The following EPB41L2 variants were observed in gnomAD, a reference collection of about 807,000 sequenced individuals.
EPB41L2 encodes the protein erythrocyte membrane protein band 4.1 like 2.
In EPB41L2, 43 loss-of-function variants were observed where a neutral mutation model predicts 113.0. The observed-to-expected ratio is 0.38, with a 90% confidence interval of 0.30 to 0.49. The LOEUF is 0.49. Ranked by LOEUF, EPB41L2 falls within the 20% of genes least tolerant of loss-of-function variation. The probability of loss-of-function intolerance (pLI) is 0.95; values close to 1 mark genes in which losing one functional copy is unlikely to be tolerated. For missense variants in EPB41L2, 1,147 were observed against 1,223.4 expected, an observed-to-expected ratio of 0.94 and a Z score of 0.93; for synonymous variants, 442 against 436.7, an observed-to-expected ratio of 1.01 and a Z score of -0.15.
intron 19 of EPB41L2, among the ~76,000 whole-genome samples, chr6:130,845,020 T>C (rs1776577764): frequency 6.6e-6 from 1 of 152,248 alleles, no homozygotes; most frequent in Non-Finnish European, 1.5e-5. Flanking sequence ...CCAGCCTGGC[T>C]GCCAGAACGA....
intron 1 of EPB41L2, among the ~76,000 whole-genome samples, chr6:130,984,653 C>T (rs1780121014): frequency 6.6e-6 from 1 of 152,132 alleles, no homozygotes; most frequent in South Asian, 2.1e-4. Context: ...CTCGAGGTAA[C>T]TGTAAATGCA....
chr6:130,872,672 T>G, intron 14 of EPB41L2: 18 of 502,120 alleles, frequency 3.6e-5, no homozygotes, highest in East Asian at 8.0e-5. Flanking sequence ...AAGATGAGAA[T>G]TCTGACAGAT....
At chr6:130,953,079 C>T (rs1815790030) in intron 3 of EPB41L2, among the ~76,000 whole-genome samples, 1 of 150,302 alleles carries the variant, frequency 6.7e-6, no homozygotes, top group Admixed American at 6.7e-5. Flanking sequence ...AAACTGAGGT[C>T]TACAGAGGTT....
chr6:130,917,894 G>T (rs1460688067), intron 4 of EPB41L2, among the ~76,000 whole-genome samples: 1 of 152,094 alleles, frequency 6.6e-6, no homozygotes, highest in Non-Finnish European at 1.5e-5. Context: ...CTCTAATTTG[G>T]CCAGGTAAGA....
chr6:130,956,528 T>A (rs1303618806), intron 1 of EPB41L2, 29 bp from the exon 2 acceptor site: 5 of 1,556,842 alleles, frequency 3.2e-6, no homozygotes, highest in Non-Finnish European at 4.3e-6. Context: ...TCATAAAATG[T>A]CATTTTGTAA....
chr6:131,030,148 A>C (rs540976645), intron 1 of EPB41L2, among the ~76,000 whole-genome samples: 2 of 152,312 alleles, frequency 1.3e-5, no homozygotes, highest in South Asian at 4.1e-4. Flanking sequence ...CTCGCTCAAG[A>C]ATAAAGTCGG....
chr6:131,023,756 G>T (rs6906544), intron 1 of EPB41L2, among the ~76,000 whole-genome samples: 124 of 44,714 alleles, frequency 2.8e-3, no homozygotes, highest in African/African-American at 5.2e-3. Flanking sequence ...TCTATATATA[G>T]ATATATAGAT....
At chr6:131,046,392 T>C (rs1243904761) in intron 1 of EPB41L2, among the ~76,000 whole-genome samples, 2 of 152,158 alleles carry the variant, frequency 1.3e-5, no homozygotes, top group South Asian at 2.1e-4. Context: ...ATGAGTGTAC[T>C]GGGACTTGAG....
intron 1 of EPB41L2, among the ~76,000 whole-genome samples, chr6:131,044,402 T>C (rs1258292932): frequency 6.6e-6 from 1 of 152,178 alleles, no homozygotes; most frequent in Non-Finnish European, 1.5e-5. Context: ...ACAGTTAGCA[T>C]ACAAAATTCT....
intron 4 of EPB41L2, among the ~76,000 whole-genome samples, chr6:130,917,619 C>T (rs1801540809): frequency 6.6e-6 from 1 of 152,176 alleles, no homozygotes; most frequent in African/African-American, 2.4e-5. Context: ...TCCACTTCTC[C>T]TTGTCGTATC....
At chr6:131,058,425 G>T (rs896430544) in intron 1 of EPB41L2, among the ~76,000 whole-genome samples, 6 of 152,010 alleles carry the variant, frequency 3.9e-5, no homozygotes, top group African/African-American at 1.4e-4. Context: ...CAGATCCCAA[G>T]CCAACCACAA....
At chr6:130,952,607 G>T (rs1301518612) in intron 3 of EPB41L2, among the ~76,000 whole-genome samples, 2 of 152,174 alleles carry the variant, frequency 1.3e-5, no homozygotes, top group Non-Finnish European at 2.9e-5. Context: ...GAGGTCAGGT[G>T]ATCGAGACCA....
In EPB41L2 at chr6:130,890,336, C is replaced by CAA; in HGVS notation, c.1616_1617dup (p.Glu540LeufsTer13). The CAA allele has an allele frequency of 6.2e-7, 1 of 1,613,570 alleles. No individual in the cohort carries two copies. The highest frequency in any genetic ancestry group is 8.5e-7 in the Non-Finnish European group (1 of 1,179,752). On this transcript the variant is annotated frameshift_variant, in exon 11 of 20. Transcript: ENST00000337057. LOFTEE classifies it high-confidence loss of function. ...GAGACCCGTTTACTAGAAGTGCGCT[C>CAA]AAAGTGTGGTGCTGGCCTATCTATG...
At position 131,018,795 on chromosome 6, in the gene EPB41L2, T is replaced by C. The variant is rs188437974; in HGVS notation, c.-15+44360A>G. Among the ~76,000 whole-genome samples the C allele has an allele frequency of 9.6e-4, 146 of 152,354 alleles. No homozygotes were observed. The Middle Eastern group carries it at 0.01, about 11-fold the overall frequency. On this transcript the variant is annotated intron_variant, in intron 1 of 19. Coordinates refer to ENST00000337057, the MANE Select transcript of EPB41L2 (RefSeq NM_001431.4). ...TACCCCATTTATTTAATAGTTTACC[T>C]TTCCCTACTGATTTATAACACTGCT...
At chr6:130,848,096 T>C (rs1777562351) in intron 19 of EPB41L2, among the ~76,000 whole-genome samples, 1 of 152,028 alleles carries the variant, frequency 6.6e-6, no homozygotes, top group African/African-American at 2.4e-5. Context: ...TGAGGGAACA[T>C]GGGAAAAAAA....
intron 1 of EPB41L2, among the ~76,000 whole-genome samples, chr6:131,023,867 T>C (rs1399878129): frequency 6.6e-6 from 1 of 151,800 alleles, no homozygotes; most frequent in African/African-American, 2.4e-5. Context: ...AAATAAACCT[T>C]TTTTAAAACA....
chr6:130,853,214 G>GGT (rs952666785), intron 19 of EPB41L2, among the ~76,000 whole-genome samples: 3 of 152,150 alleles, frequency 2.0e-5, no homozygotes, highest in Non-Finnish European at 4.4e-5. Flanking sequence ...TCATCCTTCA[G>GGT]GTGCTCACTG....
chr6:130,969,228 AT>A (rs1776142394), intron 1 of EPB41L2, among the ~76,000 whole-genome samples: 2 of 151,974 alleles, frequency 1.3e-5, no homozygotes, highest in East Asian at 1.9e-4. Flanking sequence ...AAAAAAAAAA[AT>A]GGAAAACTTA....
chr6:130,898,100 CTA>C (rs1795196706), intron 8 of EPB41L2, among the ~76,000 whole-genome samples: 2 of 45,308 alleles, frequency 4.4e-5, no homozygotes, highest in Admixed American at 2.6e-4. Context: ...GCCCAGGGGT[CTA>C]AAAAAAAAAA....
Sources: allele counts gnomAD v4.1 joint callset (sites outside exome capture counted in the v4.1 genomes callset), GRCh38; gene constraint gnomAD v4.1.1; transcripts MANE v1.5; gene names NCBI Gene and HGNC (gene_info 2026-07-23, HGNC 2026-07-21).